The following HIVEP3 variants were observed in gnomAD, a reference collection of about 807,000 sequenced individuals.
HIVEP3 encodes HIVEP zinc finger 3.
Under a neutral mutation model 152.8 loss-of-function variants are expected in HIVEP3, and 49 were observed. The observed-to-expected ratio is 0.32, with a 90% CI of 0.26 to 0.41. The LOEUF is 0.41. HIVEP3 is among the 10% of genes least tolerant of loss of function. The pLI is 1.00. For missense variants in HIVEP3, 2,790 were observed against 3,103.3 expected (o/e 0.90, Z 2.40); for synonymous variants, 1,269 against 1,289.0 (o/e 0.98, Z 0.33).
Position 41,524,882 on chromosome 1 carries a change from C to T in HIVEP3, c.5236G>A (p.Val1746Met). 1 of 1,614,012 alleles carries T rather than the reference C, an allele frequency of 6.2e-7. No homozygotes were observed. The highest frequency in any genetic ancestry group is 8.5e-7 in the Non-Finnish European group (1 of 1,179,976). Residue 1746 changes from valine to methionine, a missense_variant, in exon 6 of 9, where the codon GTG becomes ATG. Val to Met is a conservative substitution (Grantham distance 21). Coordinates refer to ENST00000372583, the MANE Select transcript of HIVEP3 (RefSeq NM_024503.5). The stretch of plus-strand genomic sequence containing the variant: ...TATTTCCCTCGGCCGCGGCCTCGCA[C>T]ATATACATACTCTTCGTTTGATTTG... ...GYKSNEEYVY[V>M]RGRGRGKYVC... is the part of the protein sequence containing the mutation.
At chr1:41,816,498 C>A (rs1207847882) in intron 1 of HIVEP3, among the ~76,000 whole-genome samples, 1 of 151,904 alleles carries the variant, frequency 6.6e-6, no homozygotes, top group East Asian at 1.9e-4. Flanking sequence ...ACCAGCCTGG[C>A]CAACATGGTG....
At chr1:41,695,465 G>A (rs1646258932) in intron 2 of HIVEP3, among the ~76,000 whole-genome samples, 1 of 152,212 alleles carries the variant, frequency 6.6e-6, no homozygotes, top group African/African-American at 2.4e-5. Flanking sequence ...ACTTGACTTT[G>A]TGCCTGGCCC....
intron 2 of HIVEP3, among the ~76,000 whole-genome samples, chr1:41,659,308 C>T (rs1645676735): frequency 6.6e-6 from 1 of 152,216 alleles, no homozygotes. Context: ...TGTAGCTTCT[C>T]CCATTCCTCC....
Position 41,581,683 on chromosome 1 carries a change from C to G in HIVEP3, c.3115G>C (p.Glu1039Gln), listed in dbSNP as rs1349081646. 1 of 1,613,956 alleles carries G rather than the reference C, an allele frequency of 6.2e-7. No homozygotes were observed. Among genetic ancestry groups the G allele is most frequent in the Non-Finnish European group, 8.5e-7 (1 of 1,180,000 alleles). Residue 1039 changes from glutamate (E) to glutamine (Q), a missense_variant, in exon 4 of 9, where the codon GAG (glutamate) becomes CAG (glutamine). Around this residue, in one of 9 missense-constraint regions of HIVEP3, gnomAD observed 1,078 missense variants for 1,165.3 expected, o/e 0.93. Transcript: ENST00000372583. The surrounding 1 kb of genome is among the most constrained non-coding windows in gnomAD (Gnocchi z 4.5). The part of the protein sequence containing the change: ...VAPPARVAPP[E>Q]RRKCFLVRQA... ...CTCACCAAGAAGCATTTTCTTCTCT[C>G]TGGCGGGGCCACCCGCGCTGGTGGA...
chr1:41,607,727 T>TA (rs781363984), intron 3 of HIVEP3, among the ~76,000 whole-genome samples: 11 of 152,252 alleles, frequency 7.2e-5, no homozygotes, highest in Non-Finnish European at 1.6e-4. Context: ...TGTATTAGGA[T>TA]ACAGGTTCTA....
chr1:41,711,947 CAG>C (rs1646520180), intron 1 of HIVEP3, among the ~76,000 whole-genome samples: 1 of 152,206 alleles, frequency 6.6e-6, no homozygotes, highest in Non-Finnish European at 1.5e-5. Flanking sequence ...GGGTGGCAAA[CAG>C]GGCAGCAAAC....
chr1:41,595,886 C>T (rs971814875), intron 3 of HIVEP3, among the ~76,000 whole-genome samples: 1 of 152,214 alleles, frequency 6.6e-6, no homozygotes, highest in Non-Finnish European at 1.5e-5. Context: ...TCCTTGCTTG[C>T]AGACGGCCTA....
At chr1:41,924,319 G>T (rs1455671742) in intron 1 of HIVEP3, among the ~76,000 whole-genome samples, 1 of 152,122 alleles carries the variant, frequency 6.6e-6, no homozygotes, top group Non-Finnish European at 1.5e-5. Flanking sequence ...CTCTAAAACT[G>T]TAAGCAGAGA....
chr1:41,690,795 G>A (rs1646187036), intron 2 of HIVEP3, among the ~76,000 whole-genome samples: 1 of 152,210 alleles, frequency 6.6e-6, no homozygotes, highest in African/African-American at 2.4e-5. Flanking sequence ...GTGGGCACCT[G>A]TAATCCCAGC....
At chr1:41,726,955 G>A (rs772007512) in intron 1 of HIVEP3, among the ~76,000 whole-genome samples, 11 of 152,180 alleles carry the variant, frequency 7.2e-5, no homozygotes, top group Non-Finnish European at 1.2e-4. Context: ...TCCAGAGGGC[G>A]TAAGTGATAA....
chr1:42,026,823 A>C (rs1645585341), intron 1 of HIVEP3, among the ~76,000 whole-genome samples: 1 of 152,234 alleles, frequency 6.6e-6, no homozygotes, highest in Non-Finnish European at 1.5e-5. Context: ...TCAGTTCCCA[A>C]AACTATTGCA....
intron 1 of HIVEP3, among the ~76,000 whole-genome samples, chr1:41,975,879 G>A (rs924557474): frequency 1.3e-5 from 2 of 152,192 alleles, no homozygotes; most frequent in African/African-American, 4.8e-5. Flanking sequence ...GATTCATCCA[G>A]GAGTGGGTGA....
chr1:41,818,292 T>C (rs879139289), intron 1 of HIVEP3, among the ~76,000 whole-genome samples: 2 of 152,064 alleles, frequency 1.3e-5, no homozygotes, highest in Non-Finnish European at 2.9e-5. Context: ...CACAGGTAAA[T>C]ATTAATAATG....
chr1:41,537,753 T>C (rs1329495858), intron 5 of HIVEP3, among the ~76,000 whole-genome samples: 1 of 152,188 alleles, frequency 6.6e-6, no homozygotes, highest in Non-Finnish European at 1.5e-5. Flanking sequence ...GATTCTCCTT[T>C]TGTTGGGGTT....
In HIVEP3 at chr1:41,652,860, T is replaced by C. The variant is rs1645572443; in HGVS notation, c.-720-23913A>G. Among the ~76,000 whole-genome samples, 3 of 152,176 alleles carry C rather than the reference T, an allele frequency of 2.0e-5. No individual in the cohort carries two copies. The East Asian group carries it at 5.8e-4, about 29-fold the overall frequency. On this transcript the variant is annotated intron_variant, in intron 2 of 8. Coordinates refer to ENST00000372583, the MANE Select transcript of HIVEP3 (RefSeq NM_024503.5). The stretch of plus-strand genomic sequence containing the variant: ...CTTTTTTAGCTCCTAAACACCAATG[T>C]CACATGTGGGTTTCTGGGTTACAAA...
intron 5 of HIVEP3, among the ~76,000 whole-genome samples, chr1:41,554,203 CTCT>C (rs370165151): frequency 1.3e-5 from 2 of 152,248 alleles, no homozygotes; most frequent in African/African-American, 4.8e-5. Flanking sequence ...TTTCTTTTTA[CTCT>C]TTTTTCTCTA....
At chr1:41,540,129 G>T (rs1000374729) in intron 5 of HIVEP3, among the ~76,000 whole-genome samples, 7 of 152,246 alleles carry the variant, frequency 4.6e-5, no homozygotes, top group Non-Finnish European at 1.0e-4. Flanking sequence ...TTGGGGCTGT[G>T]CGGGGCAGCA....
intron 1 of HIVEP3, among the ~76,000 whole-genome samples, chr1:41,992,065 A>G (rs1460089378): frequency 6.7e-6 from 1 of 148,944 alleles, no homozygotes; most frequent in African/African-American, 2.5e-5. Flanking sequence ...AAAACCTGGA[A>G]GCATTCCCTT....
At chr1:41,612,171 G>A (rs1474300309) in intron 3 of HIVEP3, among the ~76,000 whole-genome samples, 2 of 150,808 alleles carry the variant, frequency 1.3e-5, no homozygotes, top group African/African-American at 2.4e-5. Flanking sequence ...CCTGCTGCCC[G>A]GTCCCCCATC....
Sources: allele counts gnomAD v4.1 joint callset (sites outside exome capture counted in the v4.1 genomes callset), GRCh38; gene constraint gnomAD v4.1.1; regional missense constraint gnomAD v4.1.1; non-coding constraint Gnocchi (gnomAD v3.1); transcripts MANE v1.5; gene names NCBI Gene and HGNC (gene_info 2026-07-23, HGNC 2026-07-21).